PRMT7: variants seen among roughly 807,000 people sequenced by gnomAD.
PRMT7 encodes protein arginine N-methyltransferase 7.
A neutral mutation model predicts 85.4 loss-of-function variants in PRMT7; 75 were observed. The ratio of observed to expected loss-of-function variants is 0.88; its 90% CI spans 0.73 to 1.06. PRMT7 has a LOEUF of 1.06. Ranked by LOEUF, PRMT7 falls within the 50% of genes least tolerant of loss-of-function variation. The probability of loss-of-function intolerance (pLI) is 0.00; values close to 1 mark genes in which losing one functional copy is unlikely to be tolerated. For missense variants in PRMT7, 868 were observed against 915.2 expected, an observed-to-expected ratio of 0.95 and a Z score of 0.67; for synonymous variants, 397 against 359.5, an observed-to-expected ratio of 1.10 and a Z score of -1.18.
chr16:68,351,962 C>T, intron 14 of PRMT7: 1 of 279,792 alleles, frequency 3.6e-6, no homozygotes, highest in South Asian at 8.7e-5. Context: ...GTCTGCTTCC[C>T]TCTTCTGCTC....
chr16:68,322,685 A>G (rs2082635437), intron 4 of PRMT7, among the ~76,000 whole-genome samples: 1 of 151,788 alleles, frequency 6.6e-6, no homozygotes, highest in Admixed American at 6.6e-5. Flanking sequence ...AGGCTGTGCC[A>G]TCCCTGGTTT....
intron 14 of PRMT7, 43 bp from the exon 15 acceptor site, chr16:68,352,205 A>C: frequency 1.3e-6 from 2 of 1,599,826 alleles, no homozygotes; most frequent in Non-Finnish European, 1.7e-6. Flanking sequence ...TCCTGGACCG[A>C]GCCCTACTGA....
rs1188099023 is a variant in PRMT7 at position 68,312,171 on chromosome 16, A to G, written c.-89A>G. On this transcript the variant is annotated 5_prime_UTR_variant, in exon 2 of 19. Coordinates refer to ENST00000441236, the MANE Select transcript of PRMT7 (RefSeq NM_019023.5). ...TGGGACTACAGGCACGCGCCACTAC[A>G]CTCGGGTAATTTTTAATTTTAATAT... The G allele has an allele frequency of 1.3e-5, 2 of 148,318 alleles. No homozygotes were observed. The highest frequency in any genetic ancestry group is 3.0e-5 in the Non-Finnish European group (2 of 67,322). 9.2% of individuals were successfully genotyped at this position (148,318 alleles called of 1,614,324 possible).
At position 68,355,741 on chromosome 16, in the gene PRMT7, G is replaced by A. The variant is rs773344935; in HGVS notation, c.1669G>A (p.Glu557Lys). 1.2e-6 allele frequency: 2 copies of A among 1,604,252 alleles called. No homozygotes were observed. The highest frequency in any genetic ancestry group is 2.2e-5 in the East Asian group (1 of 44,492). The change falls in exon 17 of 19, where the codon GAG (glutamate) becomes AAG (lysine). Residue 557 changes from glutamate (E) to lysine (K), a missense_variant. Transcript: ENST00000441236. ...TTCGCAGCGTGCCCTGGACTTCAGG[G>A]AGAGCAGGGAAGCTGAGCCCCACCC... ...DMIKRALDFR[E>K]SREAEPHPLW...
At position 68,355,718 on chromosome 16, in the gene PRMT7, C is replaced by G. The variant is rs78061063; in HGVS notation, c.1651-5C>G. 4.4e-6 allele frequency: 7 copies of G among 1,576,838 alleles called. No homozygotes were observed. Among genetic ancestry groups the G allele is most frequent in the Non-Finnish European group, 6.0e-6 (7 of 1,158,102 alleles). On this transcript the variant is annotated splice_region_variant and splice_polypyrimidine_tract_variant and intron_variant, in intron 16 of 18. Transcript: ENST00000441236. ...TGCAGCCCCCAGGCCCCCTTCTGTT[C>G]GCAGCGTGCCCTGGACTTCAGGGAG...
intron 2 of PRMT7, among the ~76,000 whole-genome samples, chr16:68,313,969 G>A (rs2044329500): frequency 6.6e-6 from 1 of 152,132 alleles, no homozygotes; most frequent in Non-Finnish European, 1.5e-5. Flanking sequence ...ATGAAATAGA[G>A]CATATCAGAG....
chr16:68,357,481 G>A lies in PRMT7; in HGVS notation c.*257G>A. ...AAGACCCCCCTGCTTGTGCTTCTGA[G>A]GTGCTGAGAATGCTCCAACACAGAG... is the stretch of plus-strand genomic sequence containing the variant. On this transcript the variant is annotated 3_prime_UTR_variant, in exon 19 of 19. Transcript: ENST00000441236. 2.1e-6 allele frequency: 1 copy of A among 471,330 alleles called. No individual in the cohort carries two copies. The highest frequency in any genetic ancestry group is 3.7e-6 in the Non-Finnish European group (1 of 266,682). The allele number at this position is 471,330 out of a possible 1,614,324, so 29.2% of individuals were successfully genotyped here.
intron 6 of PRMT7, chr16:68,329,594 A>T (rs1311897384): frequency 6.3e-6 from 1 of 157,686 alleles, no homozygotes; most frequent in African/African-American, 2.4e-5. Flanking sequence ...TTTGAGAGAG[A>T]GTCTCACTCT....
intron 2 of PRMT7, among the ~76,000 whole-genome samples, chr16:68,313,658 C>T (rs1028524480): frequency 2.6e-5 from 4 of 152,220 alleles, no homozygotes; most frequent in Admixed American, 1.3e-4. Context: ...ATGCACATTA[C>T]AGATTCTGAC....
At position 68,357,071 on chromosome 16, in the gene PRMT7, C is replaced by T; in HGVS notation, c.1926C>T (p.Asn642=). Residue 642 remains asparagine, a synonymous_variant, in exon 19 of 19, where the codon AAC becomes AAT. Coordinates refer to ENST00000441236, the MANE Select transcript of PRMT7 (RefSeq NM_019023.5). ...TCCTACAGGGGGGCTGCTGCTGGAA[C>T]CCCCACTGCAAGCAGGCCGTCTACT... ...PADPEGGCCW[N]PHCKQAVYFF... 2.5e-6 allele frequency: 4 copies of T among 1,609,566 alleles called. No individual in the cohort carries two copies. Among genetic ancestry groups the T allele is most frequent in the South Asian group, 1.1e-5 (1 of 90,468 alleles).
Position 68,339,545 on chromosome 16 carries a change from A to C in PRMT7, c.728A>C (p.Asp243Ala). The stretch of plus-strand genomic sequence containing the variant: ...CCAGCCGACTTTACAGTCCTCAGCG[A>C]TGTGCTGCCCATGTTCAGGTACCAA... The part of the protein sequence containing the change: ...VSPADFTVLS[D>A]VLPMFSIDFS... The change falls in exon 8 of 19, where the codon GAT becomes GCT. Residue 243 changes from aspartate (D) to alanine (A), a missense_variant. By Grantham distance (126) the Asp-to-Ala change is moderately radical (BLOSUM62 -2). Transcript: ENST00000441236. The C allele has an allele frequency of 1.2e-6, 2 of 1,613,856 alleles. No individual in the cohort carries two copies. Among genetic ancestry groups the C allele is most frequent in the Non-Finnish European group, 1.7e-6 (2 of 1,180,012 alleles).
intron 8 of PRMT7, 94 bp from the exon 9 acceptor site, chr16:68,339,694 C>A (rs752458567): frequency 1.8e-5 from 29 of 1,572,994 alleles, no homozygotes; most frequent in Non-Finnish European, 2.5e-5. Flanking sequence ...TCCTTTGCAG[C>A]CAAATGTCAT....
chr16:68,346,784 T>C (rs2086464486), intron 11 of PRMT7, among the ~76,000 whole-genome samples: 1 of 151,406 alleles, frequency 6.6e-6, no homozygotes, highest in South Asian at 2.1e-4. Context: ...TTTTGGGGGA[T>C]GGGGGGAGGA....
chr16:68,323,818 T>C (rs1227537407), intron 4 of PRMT7: 1 of 152,242 alleles, frequency 6.6e-6, no homozygotes, highest in Non-Finnish European at 1.5e-5. Context: ...GATTTGCACA[T>C]ATTTTTTCCA....
At chr16:68,337,618 C>A in intron 7 of PRMT7, 47 bp downstream of exon 7, 2 of 1,324,310 alleles carry the variant, frequency 1.5e-6, no homozygotes, top group Non-Finnish European at 1.1e-6. Context: ...TCTCAGCCAG[C>A]TCACATAGCA....
chr16:68,337,682 C>T (rs2084905139), intron 7 of PRMT7, 111 bp downstream of exon 7: 1 of 512,656 alleles, frequency 2.0e-6, no homozygotes. Context: ...CTCTGATACA[C>T]CTGGGACACC....
intron 7 of PRMT7, among the ~76,000 whole-genome samples, chr16:68,338,271 A>C (rs1458791466): frequency 6.6e-6 from 1 of 152,114 alleles, no homozygotes; most frequent in African/African-American, 2.4e-5. Flanking sequence ...AGGTGGTCCC[A>C]GGAGTTGGTG....
intron 4 of PRMT7, chr16:68,322,456 C>G (rs1280840051): frequency 4.5e-6 from 2 of 446,470 alleles, no homozygotes; most frequent in Admixed American, 4.8e-5. Context: ...CCTTGGTCTC[C>G]CAAAGTGCTG....
At chr16:68,329,566 CTTTTA>C in intron 6 of PRMT7, 1 of 159,538 alleles carries the variant, frequency 6.3e-6, no homozygotes, top group Non-Finnish European at 1.4e-5. Context: ...GTACTTAGTT[CTTTTA>C]TTTATTTATT....
Sources: gnomAD v4.1 joint callset for allele counts (sites outside exome capture counted in the v4.1 genomes callset) on GRCh38, gnomAD v4.1.1 for gene constraint, MANE v1.5 for transcripts, NCBI Gene and HGNC (gene_info 2026-07-23, HGNC 2026-07-21) for gene names.